Variants in VWA2 observed in about 807,000 individuals in gnomAD.
The protein encoded by VWA2 is von Willebrand factor A domain-containing protein 2.
Under a neutral mutation model 70.4 loss-of-function variants are expected in VWA2, and 73 were observed. The observed-to-expected ratio is 1.04, with a 90% confidence interval of 0.86 to 1.26. VWA2 has a LOEUF of 1.26. Ranked by LOEUF, VWA2 falls within the 50% of genes most tolerant of loss-of-function variation. The pLI is 0.00. For missense variants in VWA2, 1,011 were observed against 998.5 expected, an observed-to-expected ratio of 1.01 and a Z score of -0.17; for synonymous variants, 407 against 423.3, an observed-to-expected ratio of 0.96 and a Z score of 0.47.
intron 11 of VWA2, among the ~76,000 whole-genome samples, chr10:114,286,973 C>A (rs575666347): frequency 6.6e-6 from 1 of 152,164 alleles, no homozygotes; most frequent in Non-Finnish European, 1.5e-5. Flanking sequence ...CATGCACACG[C>A]GCTGGTGCAG....
At chr10:114,249,037 G>A (rs970132057) in intron 2 of VWA2, among the ~76,000 whole-genome samples, 2 of 152,060 alleles carry the variant, frequency 1.3e-5, no homozygotes, top group African/African-American at 2.4e-5. Flanking sequence ...CAGGGTACAT[G>A]TGCACGATGT....
chr10:114,266,789 T>A (rs894736347), intron 5 of VWA2, among the ~76,000 whole-genome samples: 1 of 152,172 alleles, frequency 6.6e-6, no homozygotes, highest in Non-Finnish European at 1.5e-5. Context: ...TAGCTTTGTC[T>A]CCACTTTACC....
In VWA2 at chr10:114,289,162, A is replaced by G; in HGVS notation, c.1795A>G (p.Ser599Gly). The stretch of plus-strand genomic sequence containing the variant: ...CCGGGCTGCGATGCTGCGGGCCATT[A>G]GCCAGGCCCCCTACCTAGGTGGGGT... ...PTRAAMLRAI[S>G]QAPYLGGVGS... The change falls in exon 12 of 14, where the codon AGC (serine) becomes GGC (glycine). Residue 599 changes from serine (S) to glycine (G), a missense_variant. Physicochemically the swap from Ser to Gly is moderately conservative, Grantham distance 56 (BLOSUM62 0). Coordinates refer to ENST00000392982, the MANE Select transcript of VWA2 (RefSeq NM_001272046.2). 6.2e-7 allele frequency: 1 copy of G among 1,613,800 alleles called. No individual in the cohort carries two copies. Among genetic ancestry groups the G allele is most frequent in the East Asian group, 2.2e-5 (1 of 44,858 alleles).
rs551615970 is a variant in VWA2 at position 114,256,834 on chromosome 10, C to T, written c.261+1786C>T. On this transcript the variant is annotated intron_variant, in intron 4 of 13. Transcript: ENST00000392982. ...CTGAGGCAGGAAAATCGCTTGAACC[C>T]AGGAGGCAGAGGTTGCAGTGAGCTG... 3.3e-3 allele frequency among the ~76,000 whole-genome samples: 492 copies of T among 148,534 alleles called. 2 individuals carry two copies. The highest frequency in any genetic ancestry group is 0.012 in the African/African-American group (470 of 40,046).
At chr10:114,269,582 A>G (rs2037661293) in intron 5 of VWA2, among the ~76,000 whole-genome samples, 1 of 152,178 alleles carries the variant, frequency 6.6e-6, no homozygotes, top group African/African-American at 2.4e-5. Flanking sequence ...CTCTGTCTCA[A>G]AAAAATAAGA....
intron 2 of VWA2, among the ~76,000 whole-genome samples, chr10:114,250,214 A>G (rs1049604047): frequency 2.6e-5 from 4 of 152,372 alleles, no homozygotes; most frequent in South Asian, 2.1e-4. Flanking sequence ...CCTCAAGGAA[A>G]GAGACTGTAC....
intron 5 of VWA2, 73 bp from the exon 6 acceptor site, chr10:114,272,667 T>G (rs1039196046): frequency 2.2e-6 from 3 of 1,369,922 alleles, no homozygotes; most frequent in Non-Finnish European, 3.0e-6. Context: ...CTCATCGATT[T>G]CAGACTCTCA....
At chr10:114,254,827 C>A in intron 3 of VWA2, 88 bp from the exon 4 acceptor site, 1 of 1,543,128 alleles carries the variant, frequency 6.5e-7, no homozygotes. Flanking sequence ...CAGCCTGGCC[C>A]ACCACAAGGC....
At chr10:114,289,569 G>A in intron 12 of VWA2, 80 bp downstream of exon 12, 1 of 1,518,612 alleles carries the variant, frequency 6.6e-7, no homozygotes, top group South Asian at 1.2e-5. Context: ...TCATGACGAG[G>A]ATGGCAGCTC....
intron 4 of VWA2, among the ~76,000 whole-genome samples, chr10:114,258,181 G>T (rs1352378876): frequency 2.0e-4 from 30 of 152,178 alleles, no homozygotes; most frequent in Admixed American, 2.0e-3. Context: ...GTGGCTTCAG[G>T]CTTTATGTTT....
rs777038504 is a variant in VWA2, at chr10:114,282,588, G to A, written c.889+17G>A. The A allele has an allele frequency of 1.2e-6, 2 of 1,613,194 alleles. No homozygotes were observed. The highest frequency in any genetic ancestry group is 2.2e-5 in the South Asian group (2 of 91,074). On this transcript the variant is annotated intron_variant, in intron 9 of 13. Transcript: ENST00000392982. ...CCTGCCCAGGTATGGTCTGTCTCTT[G>A]GATTTACAGGTTCTTTCAGGGCCCT...
intron 5 of VWA2, among the ~76,000 whole-genome samples, chr10:114,269,998 G>T (rs2037672493): frequency 6.6e-6 from 1 of 152,242 alleles, no homozygotes; most frequent in Non-Finnish European, 1.5e-5. Flanking sequence ...TTCAGTAAAA[G>T]TTGTATAGTA....
chr10:114,286,632 A>G, intron 11 of VWA2, 121 bp downstream of exon 11: 2 of 789,490 alleles, frequency 2.5e-6, no homozygotes, highest in South Asian at 3.9e-5. Context: ...CCACAGCCCC[A>G]CTCTTTCAGG....
chr10:114,279,305 C>T (rs1301209472), intron 8 of VWA2, among the ~76,000 whole-genome samples: 1 of 152,144 alleles, frequency 6.6e-6, no homozygotes, highest in Non-Finnish European at 1.5e-5. Flanking sequence ...CACCCAAGAG[C>T]ACCTGCTGCC....
chr10:114,287,708 T>C (rs971157553), intron 11 of VWA2, among the ~76,000 whole-genome samples: 1 of 152,166 alleles, frequency 6.6e-6, no homozygotes, highest in African/African-American at 2.4e-5. Context: ...AAAATAATAG[T>C]TGTAGATTTA....
At chr10:114,271,333 G>A (rs1375434764) in intron 5 of VWA2, among the ~76,000 whole-genome samples, 1 of 152,200 alleles carries the variant, frequency 6.6e-6, no homozygotes, top group East Asian at 1.9e-4. Context: ...ACTTTATGGA[G>A]CACCGCAAAG....
In VWA2 at chr10:114,290,313, G is replaced by C; in HGVS notation, c.2196G>C (p.Gly732=). The C allele has an allele frequency of 1.3e-6, 2 of 1,550,626 alleles. No homozygotes were observed. Among genetic ancestry groups the C allele is most frequent in the Non-Finnish European group, 1.7e-6 (2 of 1,146,998 alleles). Residue 732 remains glycine, a synonymous_variant, in exon 13 of 14, where the codon GGG becomes GGC. Transcript: ENST00000392982. The part of the protein sequence containing the change: ...MNEGSCVLQN[G]SYRCKCRDGW... Reference sequence around the variant, plus strand: ...AGGGCAGCTGCGTCCTGCAGAATGGGAGCTACCGCTGCAAGTGTCGGGATG... The same window carrying C: ...AGGGCAGCTGCGTCCTGCAGAATGGCAGCTACCGCTGCAAGTGTCGGGATG...
Position 114,290,367 on chromosome 10 carries a change from T to C in VWA2, c.2248+2T>C, listed in dbSNP as rs1359580096. On this transcript the variant is annotated splice_donor_variant, in intron 13 of 13. Coordinates refer to ENST00000392982, the MANE Select transcript of VWA2 (RefSeq NM_001272046.2). LOFTEE classifies it high-confidence loss of function. Reference sequence around the variant, plus strand: ...GGGAGGGCCCCCACTGCGAGAACCGTGAGTGGAGCTCTTGCTCTGTATGTG... The same window carrying C: ...GGGAGGGCCCCCACTGCGAGAACCGCGAGTGGAGCTCTTGCTCTGTATGTG... 3 of 1,550,300 alleles carry C rather than the reference T, an allele frequency of 1.9e-6. No homozygotes were observed. The African/African-American group carries it at 4.1e-5, about 21-fold the overall frequency.
chr10:114,261,047 A>C (rs2037434271), intron 4 of VWA2, 139 bp from the exon 5 acceptor site: 1 of 613,954 alleles, frequency 1.6e-6, no homozygotes, highest in Non-Finnish European at 2.9e-6. Flanking sequence ...CCTTCTAGGG[A>C]GACTGGAGAA....
Sources: allele counts gnomAD v4.1 joint callset (sites outside exome capture counted in the v4.1 genomes callset), GRCh38; gene constraint gnomAD v4.1.1; transcripts MANE v1.5; gene names NCBI Gene and HGNC (gene_info 2026-07-23, HGNC 2026-07-21).